The following LRPPRC variants were observed in gnomAD, a reference collection of about 807,000 sequenced individuals.
The protein encoded by LRPPRC is leucine rich pentatricopeptide repeat containing, also known as leucine-rich PPR motif-containing protein, mitochondrial.
LRPPRC carries 120 observed loss-of-function variants against 180.3 expected under a neutral mutation model. The observed-to-expected ratio is 0.67, with a 90% confidence interval of 0.57 to 0.77. The LOEUF is 0.77. Among genes scored for constraint, LRPPRC ranks in the 30% least tolerant of loss-of-function variants. The probability of loss-of-function intolerance (pLI) is 0.00; values close to 1 mark genes in which losing one functional copy is unlikely to be tolerated. For synonymous variants in LRPPRC, 723 were observed against 600.0 expected, an observed-to-expected ratio of 1.21 and a Z score of -3.00; for missense variants, 2,012 against 1,657.2, an observed-to-expected ratio of 1.21 and a Z score of -3.72.
rs1020708693 is a variant in LRPPRC, at chr2:43,963,706, C to G, written c.1370G>C (p.Gly457Ala). The G allele has an allele frequency of 6.9e-7, 1 of 1,442,314 alleles. No individual in the cohort carries two copies. The highest frequency in any genetic ancestry group is 1.1e-5 in the South Asian group (1 of 87,568). 89.3% of individuals were successfully genotyped at this position (1,442,314 alleles called of 1,614,324 possible). ...CATTCCTTTGAGGATTTCAATTATA[C>G]CTACCAAATAAAATGTAGAAGCACA... ...VGRRKEKNVQGIIEILKGMQE... is the reference protein window; with the variant it reads ...VGRRKEKNVQAIIEILKGMQE... Residue 457 changes from glycine (G) to alanine (A), a missense_variant and splice_region_variant, in exon 12 of 38, where the codon GGT becomes GCT. Gly to Ala is a moderately conservative substitution (Grantham distance 60, BLOSUM62 0). Coordinates refer to ENST00000260665, the MANE Select transcript of LRPPRC (RefSeq NM_133259.4).
chr2:43,921,900 T>G (rs181542170), intron 27 of LRPPRC, among the ~76,000 whole-genome samples: 1 of 152,218 alleles, frequency 6.6e-6, no homozygotes, highest in African/African-American at 2.4e-5. Context: ...ATTCAAAGAA[T>G]TGTATTGCAA....
chr2:43,996,112 AG>A, upstream of LRPPRC: 3 of 589,646 alleles, frequency 5.1e-6, no homozygotes, highest in East Asian at 3.3e-5. Flanking sequence ...CACTTCTCCG[AG>A]GACAGAAGAC....
chr2:43,965,174 G>A, intron 11 of LRPPRC, among the ~76,000 whole-genome samples: 1 of 152,138 alleles, frequency 6.6e-6, no homozygotes, highest in South Asian at 2.1e-4. Flanking sequence ...GCTAGTTTTT[G>A]TATTTTTAGT....
intron 23 of LRPPRC, 89 bp from the exon 24 acceptor site, chr2:43,934,967 G>A: frequency 9.6e-7 from 1 of 1,043,470 alleles, no homozygotes; most frequent in Non-Finnish European, 1.4e-6. Flanking sequence ...TTAATGACCA[G>A]TTAATATGTA....
At chr2:43,967,483 T>C (rs879548333) in intron 11 of LRPPRC, among the ~76,000 whole-genome samples, 2 of 152,186 alleles carry the variant, frequency 1.3e-5, no homozygotes, top group East Asian at 3.8e-4. Context: ...ATAAATAACC[T>C]AATATCTTCA....
chr2:43,921,229 T>C (rs1026687218), intron 27 of LRPPRC, among the ~76,000 whole-genome samples: 3 of 152,054 alleles, frequency 2.0e-5, no homozygotes, highest in African/African-American at 7.2e-5. Context: ...GAGGTGGAGG[T>C]TACAGTGAGC....
chr2:43,989,915 G>A (rs1262365402), intron 1 of LRPPRC, among the ~76,000 whole-genome samples: 3 of 152,134 alleles, frequency 2.0e-5, no homozygotes, highest in Admixed American at 2.0e-4. Flanking sequence ...AACACACTTT[G>A]AAAATAATAA....
intron 14 of LRPPRC, among the ~76,000 whole-genome samples, chr2:43,951,190 GA>G (rs1342928679): frequency 6.6e-6 from 1 of 152,260 alleles, no homozygotes; most frequent in African/African-American, 2.4e-5. Context: ...TCCCTGAGAA[GA>G]CAGAGTATCA....
At position 43,975,187 on chromosome 2, in the gene LRPPRC, T is replaced by C; in HGVS notation, c.768A>G (p.Thr256=). Residue 256 remains threonine, a synonymous_variant, in exon 7 of 38, where the codon ACA becomes ACG. Transcript: ENST00000260665. The part of the protein sequence containing the change: ...GDMENAENIL[T]VMRDAGIEPG... Reference sequence around the variant, plus strand: ...GCTCAATTCCGGCATCTCTCATCACTGTGAGAATGTTTTCTGCATTCTCCA... The same window carrying C: ...GCTCAATTCCGGCATCTCTCATCACCGTGAGAATGTTTTCTGCATTCTCCA... 3 of 1,613,432 alleles carry C rather than the reference T, an allele frequency of 1.9e-6. No homozygotes were observed. Among genetic ancestry groups the C allele is most frequent in the South Asian group, 1.1e-5 (1 of 91,070 alleles).
chr2:43,895,437 A>G (rs1322413444), intron 35 of LRPPRC, among the ~76,000 whole-genome samples: 1 of 152,198 alleles, frequency 6.6e-6, no homozygotes, highest in Non-Finnish European at 1.5e-5. Context: ...AAGCAGACAT[A>G]TTGCCGTGCA....
rs533527840 is a variant in LRPPRC at position 43,988,853 on chromosome 2, G to C, written c.150-6419C>G. Among the ~76,000 whole-genome samples the C allele has an allele frequency of 3.3e-5, 5 of 152,104 alleles. No homozygotes were observed. In the South Asian group the frequency reaches 1.0e-3, roughly 32 times the overall value. ...CCACCACGCCTGACCAAATGCCTCT[G>C]AGTTTTTACAATATCTTTCCTTTAT... On this transcript the variant is annotated intron_variant, in intron 1 of 37. Transcript: ENST00000260665.
chr2:43,939,348 A>AT (rs111823696), intron 23 of LRPPRC, among the ~76,000 whole-genome samples: 24,682 of 151,996 alleles, frequency 0.16, 2,552 homozygotes, highest in African/African-American at 0.29. Context: ...ACAAATATTG[A>AT]TTTTTTTTAT....
intron 11 of LRPPRC, among the ~76,000 whole-genome samples, chr2:43,965,635 A>C (rs568738347): frequency 6.6e-6 from 1 of 152,310 alleles, no homozygotes; most frequent in South Asian, 2.1e-4. Context: ...AATACCTAAA[A>C]TATATAATAA....
chr2:43,900,486 G>A (rs1441878684), intron 32 of LRPPRC, among the ~76,000 whole-genome samples: 2 of 152,046 alleles, frequency 1.3e-5, no homozygotes, highest in Admixed American at 6.6e-5. Context: ...CTGTGTTTAT[G>A]TGGTAAAACT....
chr2:43,893,521 C>T (rs928587069), intron 36 of LRPPRC, among the ~76,000 whole-genome samples: 1 of 152,200 alleles, frequency 6.6e-6, no homozygotes, highest in African/African-American at 2.4e-5. Flanking sequence ...ACTGAAGGCA[C>T]AGATGATCGT....
At position 43,918,152 on chromosome 2, in the gene LRPPRC, C is replaced by T. The variant is rs201602502; in HGVS notation, c.3040-19G>A. ...ACCACAACTTTAAAACAAAGTTATTCTGTTAAATAAAAACTGGTAATCTTT... is the reference window on the plus strand; with the variant it reads ...ACCACAACTTTAAAACAAAGTTATTTTGTTAAATAAAAACTGGTAATCTTT... On this transcript the variant is annotated intron_variant, in intron 28 of 37. Transcript: ENST00000260665. 2.8e-5 allele frequency: 45 copies of T among 1,602,768 alleles called. No homozygotes were observed. Among genetic ancestry groups the T allele is most frequent in the Non-Finnish European group, 3.7e-5 (43 of 1,169,796 alleles).
chr2:43,897,875 A>C (rs1299605780), intron 34 of LRPPRC, among the ~76,000 whole-genome samples: 1 of 152,196 alleles, frequency 6.6e-6, no homozygotes. Context: ...GGATGTGTTA[A>C]AACTGATTGC....
chr2:43,939,656 GTTT>G, intron 23 of LRPPRC, among the ~76,000 whole-genome samples: 1 of 152,080 alleles, frequency 6.6e-6, no homozygotes, highest in South Asian at 2.1e-4. Flanking sequence ...AGAGCTAAAT[GTTT>G]TTTTTCTGTT....
chr2:43,893,805 G>A (rs1572887884), intron 36 of LRPPRC, among the ~76,000 whole-genome samples: 2 of 152,196 alleles, frequency 1.3e-5, no homozygotes, highest in South Asian at 2.1e-4. Flanking sequence ...CTCCCTGTAA[G>A]GACGGAAAAA....
Sources: allele counts gnomAD v4.1 joint callset (sites outside exome capture counted in the v4.1 genomes callset), GRCh38; gene constraint gnomAD v4.1.1; transcripts MANE v1.5; gene names NCBI Gene and HGNC (gene_info 2026-07-23, HGNC 2026-07-21).